Variants in SRRM4 observed in about 807,000 individuals in gnomAD.
SRRM4 encodes the protein serine/arginine repetitive matrix protein 4.
Under a neutral mutation model 68.9 loss-of-function variants are expected in SRRM4, and 33 were observed. That is an observed-to-expected ratio of 0.48 (90% CI 0.36 to 0.64). SRRM4 has a LOEUF of 0.64. SRRM4 is among the 30% of genes least tolerant of loss of function. The probability of loss-of-function intolerance (pLI) is 0.00; values close to 1 mark genes in which losing one functional copy is unlikely to be tolerated. For missense variants in SRRM4, 817 were observed against 827.1 expected (o/e 0.99, Z 0.15); for synonymous variants, 318 against 318.8 (o/e 1.00, Z 0.03).
chr12:119,028,622 T>G (rs899639399), intron 1 of SRRM4, among the ~76,000 whole-genome samples: 1 of 152,184 alleles, frequency 6.6e-6, no homozygotes, highest in African/African-American at 2.4e-5. Flanking sequence ...GAAAATGGAC[T>G]AGTACAGCAA....
At chr12:119,045,626 AC>A (rs1183836229) in intron 1 of SRRM4, among the ~76,000 whole-genome samples, 1 of 151,902 alleles carries the variant, frequency 6.6e-6, no homozygotes, top group African/African-American at 2.4e-5. Context: ...GATTCCAGGG[AC>A]CTGTAATTTT....
rs1173561772 is a variant in SRRM4, at chr12:119,087,825, G to A, written c.132-14411G>A. Among the ~76,000 whole-genome samples, 7 of 152,212 alleles carry A rather than the reference G, an allele frequency of 4.6e-5. No individual in the cohort carries two copies. In the East Asian group the frequency reaches 9.7e-4, roughly 21 times the overall value. ...TGCTCAGTCTGGAGACCAGGCACACGCAGCCACCTTTCCTTGAGAACACTG... is the reference window on the plus strand; with the variant it reads ...TGCTCAGTCTGGAGACCAGGCACACACAGCCACCTTTCCTTGAGAACACTG... On this transcript the variant is annotated intron_variant, in intron 1 of 12. Coordinates refer to ENST00000267260, the MANE Select transcript of SRRM4 (RefSeq NM_194286.4).
intron 1 of SRRM4, among the ~76,000 whole-genome samples, chr12:119,048,243 G>A (rs1412528655): frequency 6.6e-6 from 1 of 152,198 alleles, no homozygotes; most frequent in East Asian, 1.9e-4. Context: ...GGGCGGTAAA[G>A]CCAAGACCCA....
At chr12:119,147,412 T>A (rs1954410972) in intron 9 of SRRM4, among the ~76,000 whole-genome samples, 2 of 152,182 alleles carry the variant, frequency 1.3e-5, no homozygotes, top group South Asian at 4.1e-4. Flanking sequence ...TTTGTCCAAA[T>A]CCATAGAATG....
intron 1 of SRRM4, among the ~76,000 whole-genome samples, chr12:119,056,671 C>T (rs1034151254): frequency 3.3e-5 from 5 of 152,132 alleles, no homozygotes; most frequent in African/African-American, 4.8e-5. Context: ...GCTGTTCTCT[C>T]GGCCTCACTT....
chr12:119,064,327 A>G (rs1335128832), intron 1 of SRRM4, among the ~76,000 whole-genome samples: 1 of 152,380 alleles, frequency 6.6e-6, no homozygotes, highest in East Asian at 1.9e-4. Flanking sequence ...GCTGTTGCCA[A>G]TGCCAAAAGG....
In SRRM4 at chr12:119,156,287, A is replaced by G. The variant is rs1255372619; in HGVS notation, c.1533-208A>G. On this transcript the variant is annotated intron_variant, in intron 12 of 12. Transcript: ENST00000267260. Reference sequence around the variant, plus strand: ...TTCATGGGGGAAAGAAAAAAGTGAGATAATCATTTTTCAAGACATACTAGC... The same window carrying G: ...TTCATGGGGGAAAGAAAAAAGTGAGGTAATCATTTTTCAAGACATACTAGC... Among the ~76,000 whole-genome samples, 2 of 152,214 alleles carry G rather than the reference A, an allele frequency of 1.3e-5. 1 individual carries two copies. The highest frequency in any genetic ancestry group is 3.8e-4 in the East Asian group (2 of 5,198).
intron 1 of SRRM4, among the ~76,000 whole-genome samples, chr12:119,089,806 TATCACCATCATCACC>T (rs1954003364): frequency 6.6e-6 from 1 of 152,154 alleles, no homozygotes; most frequent in Non-Finnish European, 1.5e-5. Flanking sequence ...TCAGTAACAT[TATCACCATCATCACC>T]ATCACCATCA....
In SRRM4 at chr12:119,003,877, C is replaced by T. The variant is rs551304468; in HGVS notation, c.131+21864C>T. Among the ~76,000 whole-genome samples the T allele has an allele frequency of 1.1e-4, 16 of 152,008 alleles. 1 individual carries two copies. Among genetic ancestry groups the T allele is most frequent in the East Asian group, 5.9e-4 (3 of 5,050 alleles). ...ATTATTCTTTTCTTCTCTCTATAGA[C>T]GATATTACTAAATTGTCATATGAAG... On this transcript the variant is annotated intron_variant, in intron 1 of 12. Transcript: ENST00000267260.
chr12:119,082,814 C>T (rs1459618557), intron 1 of SRRM4, among the ~76,000 whole-genome samples: 5 of 152,220 alleles, frequency 3.3e-5, no homozygotes, highest in Non-Finnish European at 5.9e-5. Flanking sequence ...TGCTTTGCCA[C>T]TCACTGGCTA....
At chr12:119,047,030 TAAAA>T (rs11415940) in intron 1 of SRRM4, among the ~76,000 whole-genome samples, 1 of 122,218 alleles carries the variant, frequency 8.2e-6, no homozygotes, top group Non-Finnish European at 1.6e-5. Flanking sequence ...AGATCCCGTC[TAAAA>T]AAAAAAAAAA....
At chr12:119,125,877 C>T (rs995640519) in intron 7 of SRRM4, among the ~76,000 whole-genome samples, 8 of 150,886 alleles carry the variant, frequency 5.3e-5, no homozygotes, top group Admixed American at 1.3e-4. Context: ...GCCAAGATCA[C>T]GCCATTGCAC....
intron 1 of SRRM4, among the ~76,000 whole-genome samples, chr12:118,996,142 G>T (rs1953348329): frequency 6.6e-6 from 1 of 152,068 alleles, no homozygotes; most frequent in African/African-American, 2.4e-5. Flanking sequence ...CTGACAGTGG[G>T]AACTAACTAC....
chr12:119,022,532 T>A (rs1953522783), intron 1 of SRRM4, among the ~76,000 whole-genome samples: 2 of 152,224 alleles, frequency 1.3e-5, no homozygotes, highest in Non-Finnish European at 2.9e-5. Context: ...ACTGCAATGT[T>A]AGTTGACTGT....
Position 119,115,289 on chromosome 12 carries a change from A to AT in SRRM4, c.365+931dup, listed in dbSNP as rs1441802288. Among the ~76,000 whole-genome samples, 5 of 152,042 alleles carry AT rather than the reference A, an allele frequency of 3.3e-5. No homozygotes were observed. The South Asian group carries it at 6.2e-4, about 19-fold the overall frequency. ...CTATTGACTCTTTGGTATCCTATGCATTTTTTCTACGTCCAATTCCTTTAA... is the reference window on the plus strand; with the variant it reads ...CTATTGACTCTTTGGTATCCTATGCATTTTTTTCTACGTCCAATTCCTTTAA... On this transcript the variant is annotated intron_variant, in intron 3 of 12. Coordinates refer to ENST00000267260, the MANE Select transcript of SRRM4 (RefSeq NM_194286.4).
intron 1 of SRRM4, among the ~76,000 whole-genome samples, chr12:119,096,432 C>T (rs1273716828): frequency 3.9e-5 from 6 of 152,104 alleles, no homozygotes; most frequent in Admixed American, 3.3e-4. Context: ...GATGGTAATG[C>T]TGGCTCATGG....
chr12:119,046,694 A>C (rs1341200217), intron 1 of SRRM4, among the ~76,000 whole-genome samples: 1 of 152,034 alleles, frequency 6.6e-6, no homozygotes, highest in Admixed American at 6.6e-5. Context: ...TAATTTCACC[A>C]TGGTGAACTC....
At chr12:119,013,269 A>C (rs982486766) in intron 1 of SRRM4, among the ~76,000 whole-genome samples, 1 of 6,988 alleles carries the variant, frequency 1.4e-4, no homozygotes, top group African/African-American at 4.5e-4. Flanking sequence ...AGAGATGAGA[A>C]AAATCAGGCC....
intron 1 of SRRM4, among the ~76,000 whole-genome samples, chr12:119,068,768 CT>C (rs1364205848): frequency 1.3e-5 from 2 of 152,070 alleles, no homozygotes; most frequent in Non-Finnish European, 2.9e-5. Context: ...TAAAAGCACA[CT>C]TGTTCCCACT....
Sources: allele counts gnomAD v4.1 joint callset (sites outside exome capture counted in the v4.1 genomes callset), GRCh38; gene constraint gnomAD v4.1.1; transcripts MANE v1.5; gene names NCBI Gene and HGNC (gene_info 2026-07-23, HGNC 2026-07-21).